SPRED2: variants seen among roughly 807,000 people sequenced by gnomAD.
SPRED2 encodes sprouty-related, EVH1 domain-containing protein 2.
Under a neutral mutation model 43.0 loss-of-function variants are expected in SPRED2, and 47 were observed. That is an observed-to-expected ratio of 1.09 (90% CI 0.87 to 1.40). The LOEUF is 1.40. Among genes scored for constraint, SPRED2 ranks in the 40% most tolerant of loss-of-function variants. The pLI is 0.00. For missense variants in SPRED2, 561 were observed against 586.4 expected, an observed-to-expected ratio of 0.96 and a Z score of 0.45; for synonymous variants, 225 against 225.7, an observed-to-expected ratio of 1.00 and a Z score of 0.03.
chr2:65,402,186 C>T (rs924471584), intron 1 of SPRED2, among the ~76,000 whole-genome samples: 3 of 138,096 alleles, frequency 2.2e-5, no homozygotes, highest in Admixed American at 8.2e-5. Context: ...GCCTGAGGCA[C>T]GAGAATCACT....
intron 1 of SPRED2, among the ~76,000 whole-genome samples, chr2:65,363,592 G>A (rs1006046887): frequency 1.3e-5 from 2 of 152,158 alleles, no homozygotes; most frequent in South Asian, 4.1e-4. Context: ...CTCCAGATGT[G>A]GGGAGGACAA....
chr2:65,418,383 C>A (rs572154866), intron 1 of SPRED2, among the ~76,000 whole-genome samples: 10 of 152,104 alleles, frequency 6.6e-5, no homozygotes, highest in Non-Finnish European at 1.5e-4. Context: ...GTGGAAGAAA[C>A]CTTTGGACAT....
At position 65,414,963 on chromosome 2, in the gene SPRED2, AT is replaced by A. The variant is rs869086185; in HGVS notation, c.26+16998del. On this transcript the variant is annotated intron_variant, in intron 1 of 5. Transcript: ENST00000356388. The stretch of plus-strand genomic sequence containing the variant: ...AGTTGACTCTATCCCGTTTAAAAAA[AT>A]TTTTTTTTGTTTTGGTAGACACAGA... 2.0e-5 allele frequency among the ~76,000 whole-genome samples: 3 copies of A among 151,522 alleles called. No individual in the cohort carries two copies. The South Asian group carries it at 6.3e-4, about 32-fold the overall frequency.
At chr2:65,335,465 T>C (rs540634920) in intron 2 of SPRED2, among the ~76,000 whole-genome samples, 13 of 152,236 alleles carry the variant, frequency 8.5e-5, no homozygotes, top group Non-Finnish European at 1.3e-4. Context: ...AATGAGTAGA[T>C]TGATCTTTTT....
chr2:65,397,842 C>G (rs1490283453), intron 1 of SPRED2, among the ~76,000 whole-genome samples: 1 of 152,014 alleles, frequency 6.6e-6, no homozygotes, highest in Admixed American at 6.6e-5. Flanking sequence ...CAATGCAATT[C>G]CCATCAAAAT....
intron 1 of SPRED2, 116 bp downstream of exon 1, chr2:65,431,846 G>C: frequency 7.9e-7 from 1 of 1,259,254 alleles, no homozygotes; most frequent in South Asian, 1.2e-5. Context: ...AAAGGTCAGC[G>C]AGTCGCTGCA....
chr2:65,406,747 A>G (rs533242420), intron 1 of SPRED2, among the ~76,000 whole-genome samples: 460 of 152,294 alleles, frequency 3.0e-3, no homozygotes, highest in Non-Finnish European at 3.7e-3. Flanking sequence ...CCACCCTTGC[A>G]GGAAGCTAAC....
chr2:65,400,387 A>G (rs1034305322), intron 1 of SPRED2, among the ~76,000 whole-genome samples: 1 of 152,232 alleles, frequency 6.6e-6, no homozygotes, highest in Non-Finnish European at 1.5e-5. Context: ...ATCCACAAAT[A>G]GGGCCAGAAA....
intron 1 of SPRED2, among the ~76,000 whole-genome samples, chr2:65,431,645 C>T (rs1235527571): frequency 6.6e-6 from 1 of 152,188 alleles, no homozygotes; most frequent in South Asian, 2.1e-4. Flanking sequence ...CTCTAGCCGC[C>T]GAGGATTTCG....
At chr2:65,331,228 C>T (rs570109729) in intron 4 of SPRED2, among the ~76,000 whole-genome samples, 7 of 152,074 alleles carry the variant, frequency 4.6e-5, no homozygotes, top group African/African-American at 1.7e-4. Flanking sequence ...CCAGCCTAGG[C>T]AATACAGCGA....
intron 1 of SPRED2, among the ~76,000 whole-genome samples, chr2:65,383,859 C>T (rs561037423): frequency 4.5e-4 from 69 of 152,220 alleles, no homozygotes; most frequent in Non-Finnish European, 7.2e-4. Flanking sequence ...ACAGGAAGAA[C>T]GGGAAGTTTA....
At chr2:65,368,116 C>T (rs1360956002) in intron 1 of SPRED2, among the ~76,000 whole-genome samples, 2 of 152,174 alleles carry the variant, frequency 1.3e-5, no homozygotes, top group Non-Finnish European at 2.9e-5. Context: ...GCCCAGAGCT[C>T]CTGCATGGCC....
chr2:65,344,437 T>C (rs535270498), intron 2 of SPRED2: 164 of 521,852 alleles, frequency 3.1e-4, no homozygotes, highest in Non-Finnish European at 5.6e-4. Flanking sequence ...TTTGAATACC[T>C]TTTTACAATG....
At chr2:65,339,289 G>A in intron 2 of SPRED2, among the ~76,000 whole-genome samples, 1 of 151,170 alleles carries the variant, frequency 6.6e-6, no homozygotes, top group Admixed American at 6.6e-5. Flanking sequence ...GGAAGGGGGG[G>A]CAGGGTGGGG....
At chr2:65,323,056 A>G (rs6546145) in intron 4 of SPRED2, among the ~76,000 whole-genome samples, 116,781 of 152,198 alleles carry the variant, frequency 0.77, 45,229 homozygotes, top group South Asian at 0.86. Context: ...GTGCAGTGGC[A>G]CAATTTTGGC....
At chr2:65,324,045 CAG>C (rs1439035391) in intron 4 of SPRED2, among the ~76,000 whole-genome samples, 1 of 151,470 alleles carries the variant, frequency 6.6e-6, no homozygotes, top group East Asian at 1.9e-4. Context: ...GAGCACTGGT[CAG>C]AGTCAGGCAG....
At chr2:65,392,248 T>C (rs1409002948) in intron 1 of SPRED2, among the ~76,000 whole-genome samples, 1 of 148,760 alleles carries the variant, frequency 6.7e-6, no homozygotes, top group Non-Finnish European at 1.5e-5. Context: ...GGTGCAATCA[T>C]GGCTCCCTGA....
intron 1 of SPRED2, among the ~76,000 whole-genome samples, chr2:65,419,577 T>C (rs1676370203): frequency 6.7e-6 from 1 of 148,886 alleles, no homozygotes; most frequent in Admixed American, 6.7e-5. Context: ...GGGATTATAG[T>C]TGTGTGTGTG....
chr2:65,382,303 C>A (rs876933), intron 1 of SPRED2, among the ~76,000 whole-genome samples: 4 of 151,936 alleles, frequency 2.6e-5, no homozygotes, highest in Middle Eastern at 3.4e-3. Context: ...AAGAAGGCTA[C>A]GAAGAAGAAG....
Sources: allele counts gnomAD v4.1 joint callset (sites outside exome capture counted in the v4.1 genomes callset), GRCh38; gene constraint gnomAD v4.1.1; transcripts MANE v1.5; gene names NCBI Gene and HGNC (gene_info 2026-07-23, HGNC 2026-07-21).